EYS: variants seen among roughly 807,000 people sequenced by gnomAD.
EYS encodes the protein protein eyes shut homolog.
A neutral mutation model predicts 282.1 loss-of-function variants in EYS; 250 were observed. The observed-to-expected ratio is 0.89, with a 90% confidence interval of 0.80 to 0.98. The LOEUF is 0.98. EYS is among the 50% of genes least tolerant of loss of function. The probability of loss-of-function intolerance (pLI) is 0.00; values close to 1 mark genes in which losing one functional copy is unlikely to be tolerated. For missense variants in EYS, 4,016 were observed against 3,709.0 expected, an observed-to-expected ratio of 1.08 and a Z score of -2.15; for synonymous variants, 1,355 against 1,282.9, an observed-to-expected ratio of 1.06 and a Z score of -1.20.
intron 2 of EYS, among the ~76,000 whole-genome samples, chr6:65,547,114 T>C (rs1367269560): frequency 6.6e-6 from 1 of 151,736 alleles, no homozygotes; most frequent in Non-Finnish European, 1.5e-5. Flanking sequence ...TTTTGCTGAC[T>C]GTAACTCCCA....
chr6:65,605,522 C>A (rs1044598383), intron 2 of EYS, among the ~76,000 whole-genome samples: 29 of 151,718 alleles, frequency 1.9e-4, no homozygotes, highest in Non-Finnish European at 3.7e-4. Context: ...AATGACATTA[C>A]CTTTGATTCA....
At chr6:64,030,595 G>A (rs555807875) in intron 33 of EYS, among the ~76,000 whole-genome samples, 15 of 152,132 alleles carry the variant, frequency 9.9e-5, no homozygotes, top group Non-Finnish European at 2.2e-4. Flanking sequence ...TACAGGAAAA[G>A]CCTTCTGAAA....
intron 40 of EYS, among the ~76,000 whole-genome samples, chr6:63,770,104 G>A (rs1300562411): frequency 1.3e-5 from 2 of 151,858 alleles, no homozygotes; most frequent in East Asian, 3.8e-4. Context: ...ATAATATTCA[G>A]TTTCTTAGGG....
chr6:64,130,156 T>A (rs1773923290), intron 31 of EYS, among the ~76,000 whole-genome samples: 1 of 152,220 alleles, frequency 6.6e-6, no homozygotes, highest in Non-Finnish European at 1.5e-5. Context: ...TTATAAATCA[T>A]GCTGCTATAA....
At chr6:65,273,348 ACT>A (rs1767954592) in intron 12 of EYS, among the ~76,000 whole-genome samples, 1 of 152,112 alleles carries the variant, frequency 6.6e-6, no homozygotes, top group South Asian at 2.1e-4. Context: ...TACCAGTGTA[ACT>A]CTGCATTAAG....
chr6:64,753,841 A>T (rs929144284), intron 22 of EYS, among the ~76,000 whole-genome samples: 1 of 152,152 alleles, frequency 6.6e-6, no homozygotes, highest in Admixed American at 6.5e-5. Context: ...CCCAAGAGAC[A>T]CCATATTTTA....
intron 14 of EYS, among the ~76,000 whole-genome samples, chr6:64,965,195 A>G (rs1770051824): frequency 6.6e-6 from 1 of 152,170 alleles, no homozygotes; most frequent in Non-Finnish European, 1.5e-5. Context: ...TTTGCTAAAT[A>G]TGTATTAAAT....
At chr6:64,896,412 T>C (rs1297418832) in intron 18 of EYS, among the ~76,000 whole-genome samples, 2 of 152,134 alleles carry the variant, frequency 1.3e-5, no homozygotes, top group Non-Finnish European at 2.9e-5. Context: ...ACAGATACTA[T>C]GCTTTTCTCA....
At chr6:64,297,553 T>G (rs1769076529) in intron 30 of EYS, among the ~76,000 whole-genome samples, 1 of 152,112 alleles carries the variant, frequency 6.6e-6, no homozygotes, top group South Asian at 2.1e-4. Context: ...CATACAAGGA[T>G]CCCAATAAAA....
At chr6:65,696,634 T>C (rs1040642465) in intron 1 of EYS, among the ~76,000 whole-genome samples, 1 of 151,978 alleles carries the variant, frequency 6.6e-6, no homozygotes, top group Non-Finnish European at 1.5e-5. Flanking sequence ...CTCAATTATA[T>C]AACAATACAT....
chr6:65,222,554 CT>C (rs1766496888), intron 12 of EYS, among the ~76,000 whole-genome samples: 2 of 152,150 alleles, frequency 1.3e-5, no homozygotes, highest in African/African-American at 4.8e-5. Context: ...CTCAGTATGT[CT>C]TTATTAGTAG....
intron 28 of EYS, among the ~76,000 whole-genome samples, chr6:64,421,823 A>C (rs4710477): frequency 0.28 from 41,898 of 151,346 alleles, 5,954 homozygotes; most frequent in East Asian, 0.46. Flanking sequence ...GAAGAGAGAG[A>C]GAGCGAGAGA....
chr6:65,263,392 A>G (rs1252402995), intron 12 of EYS, among the ~76,000 whole-genome samples: 1 of 152,086 alleles, frequency 6.6e-6, no homozygotes, highest in Admixed American at 6.6e-5. Flanking sequence ...GAGAGTGTTG[A>G]TCATATAAGT....
intron 31 of EYS, among the ~76,000 whole-genome samples, chr6:64,210,196 A>C (rs936096407): frequency 2.6e-5 from 4 of 152,342 alleles, no homozygotes; most frequent in African/African-American, 9.6e-5. Flanking sequence ...AAAATCGATC[A>C]TTAGCATTTT....
intron 35 of EYS, among the ~76,000 whole-genome samples, chr6:63,952,602 CT>C (rs1765646282): frequency 6.9e-6 from 1 of 144,532 alleles, no homozygotes; most frequent in South Asian, 2.3e-4. Flanking sequence ...TTATGCACTC[CT>C]TTTTAGTTAT....
chr6:65,573,488 T>C (rs1053419660), intron 2 of EYS, among the ~76,000 whole-genome samples: 7 of 152,132 alleles, frequency 4.6e-5, no homozygotes, highest in Non-Finnish European at 5.9e-5. Context: ...CACACAAGAA[T>C]TGGCTGCTGT....
At chr6:64,220,677 C>T (rs1766073438) in intron 31 of EYS, among the ~76,000 whole-genome samples, 1 of 152,166 alleles carries the variant, frequency 6.6e-6, no homozygotes, top group African/African-American at 2.4e-5. Flanking sequence ...CTGAGAGTGC[C>T]TTTGTTCCTA....
intron 12 of EYS, among the ~76,000 whole-genome samples, chr6:65,280,865 A>AATATATAT (rs1554178611): frequency 7.4e-6 from 1 of 135,938 alleles, no homozygotes; most frequent in Non-Finnish European, 1.6e-5. Flanking sequence ...TAAAAAAAAA[A>AATATATAT]ATATATATAT....
intron 35 of EYS, among the ~76,000 whole-genome samples, chr6:63,888,963 A>G (rs1773338778): frequency 6.6e-6 from 1 of 152,228 alleles, no homozygotes; most frequent in Non-Finnish European, 1.5e-5. Context: ...GATGGAGCTG[A>G]AAAACATAGC....
Sources: gnomAD v4.1 joint callset for allele counts (sites outside exome capture counted in the v4.1 genomes callset) on GRCh38, gnomAD v4.1.1 for gene constraint, MANE v1.5 for transcripts, NCBI Gene and HGNC (gene_info 2026-07-23, HGNC 2026-07-21) for gene names.